The following TENM3 variants were observed in gnomAD, a reference collection of about 807,000 sequenced individuals.
TENM3 encodes teneurin transmembrane protein 3, also known as teneurin-3.
In TENM3, 63 loss-of-function variants were observed where a neutral mutation model predicts 255.1. That is an observed-to-expected ratio of 0.25 (90% CI 0.20 to 0.30). The LOEUF is 0.30. Ranked by LOEUF, TENM3 falls within the 10% of genes least tolerant of loss-of-function variation. The pLI, the probability that TENM3 is intolerant of heterozygous loss-of-function variation, is 1.00. For synonymous variants in TENM3, 1,306 were observed against 1,322.3 expected (o/e 0.99, Z 0.27); for missense variants, 2,929 against 3,461.1 (o/e 0.85, Z 3.86).
the TENM3 span, among the ~76,000 whole-genome samples, chr4:181,503,383 T>A: frequency 6.6e-6 from 1 of 152,118 alleles, no homozygotes; most frequent in Non-Finnish European, 1.5e-5. Flanking sequence ...TTAAATTAAA[T>A]TAAATATGAT....
chr4:181,895,401 G>A, the TENM3 span, among the ~76,000 whole-genome samples: 1 of 151,832 alleles, frequency 6.6e-6, no homozygotes, highest in African/African-American at 2.4e-5. Context: ...AGCTATTCCA[G>A]TAATAAACAT....
chr4:181,612,154 CTG>C, the TENM3 span, among the ~76,000 whole-genome samples: 2 of 152,200 alleles, frequency 1.3e-5, no homozygotes, highest in African/African-American at 2.4e-5. Flanking sequence ...CCAGTGGCCT[CTG>C]TGTCATAGTT....
chr4:182,073,792 C>A, the TENM3 span, among the ~76,000 whole-genome samples: 1 of 152,134 alleles, frequency 6.6e-6, no homozygotes, highest in African/African-American at 2.4e-5. Context: ...TTGGGCCTTT[C>A]AGCAACTTCT....
chr4:182,052,318 A>G, the TENM3 span, among the ~76,000 whole-genome samples: 1 of 152,054 alleles, frequency 6.6e-6, no homozygotes, highest in South Asian at 2.1e-4. Context: ...AAGCAAGAGC[A>G]TAGTGTCAAT....
At chr4:181,954,234 T>A in the TENM3 span, among the ~76,000 whole-genome samples, 1 of 152,242 alleles carries the variant, frequency 6.6e-6, no homozygotes, top group Non-Finnish European at 1.5e-5. Context: ...GCTATGTTCA[T>A]TTGTGTGCAA....
intron 12 of TENM3, among the ~76,000 whole-genome samples, chr4:182,702,082 AT>A (rs1757918212): frequency 6.6e-6 from 1 of 152,254 alleles, no homozygotes; most frequent in Non-Finnish European, 1.5e-5. Flanking sequence ...TTTAGAAAAG[AT>A]TAATTTATCT....
At chr4:181,732,450 C>CA in the TENM3 span, among the ~76,000 whole-genome samples, 1 of 151,704 alleles carries the variant, frequency 6.6e-6, no homozygotes, top group Non-Finnish European at 1.5e-5. Context: ...AAATTCCAAA[C>CA]AAAAAAGGTA....
chr4:181,659,545 C>T, the TENM3 span, among the ~76,000 whole-genome samples: 3 of 152,116 alleles, frequency 2.0e-5, no homozygotes, highest in African/African-American at 7.2e-5. Context: ...CAGTGCATTT[C>T]CATTAAAATT....
the TENM3 span, among the ~76,000 whole-genome samples, chr4:181,792,624 A>T: frequency 4.6e-5 from 7 of 152,226 alleles, no homozygotes; most frequent in African/African-American, 1.7e-4. Context: ...AGTAATCTGA[A>T]ATCTCAAATA....
At chr4:181,686,399 CT>C in the TENM3 span, among the ~76,000 whole-genome samples, 1 of 152,146 alleles carries the variant, frequency 6.6e-6, no homozygotes, top group Non-Finnish European at 1.5e-5. Context: ...GATTTTTCTT[CT>C]TTTCCCTCAG....
chr4:182,394,887 A>G (rs1035382373), intron 3 of TENM3, among the ~76,000 whole-genome samples: 5 of 152,232 alleles, frequency 3.3e-5, no homozygotes, highest in Admixed American at 3.3e-4. Flanking sequence ...AAAATGCCGT[A>G]CAGGCCAGAA....
rs557427307 is a variant in TENM3, at chr4:182,637,552, T to C, written c.988+8663T>C. ...CATCTCTAAAAAATAAAAAATAGAT[T>C]TAAAAAAATTCCAGTTTCTTCTTTA... On this transcript the variant is annotated intron_variant, in intron 5 of 27. Coordinates refer to ENST00000511685, the MANE Select transcript of TENM3 (RefSeq NM_001080477.4). Among the ~76,000 whole-genome samples the C allele has an allele frequency of 1.1e-4, 17 of 152,244 alleles. No homozygotes were observed. The South Asian group carries it at 3.3e-3, about 30-fold the overall frequency.
the TENM3 span, among the ~76,000 whole-genome samples, chr4:181,652,327 G>A: frequency 6.6e-6 from 1 of 152,030 alleles, no homozygotes; most frequent in African/African-American, 2.4e-5. Context: ...AGATATACAG[G>A]CTATTCCAAA....
the TENM3 span, among the ~76,000 whole-genome samples, chr4:181,523,172 G>C: frequency 6.6e-6 from 1 of 152,064 alleles, no homozygotes; most frequent in Non-Finnish European, 1.5e-5. Context: ...CTTGAAATTG[G>C]CTTTACCAAT....
At position 182,212,040 on chromosome 4, in the gene TENM3, A is replaced by T. The variant is rs375986275; in HGVS notation, c.-76+67286A>T. On this transcript the variant is annotated intron_variant, in intron 1 of 2. Transcript: ENST00000512480. ...TCTATTAAACCAAGTAAAATGTACA[A>T]TTAGCAAAAGCCTATCCATATTTTT... Among the ~76,000 whole-genome samples the T allele has an allele frequency of 3.9e-5, 6 of 152,342 alleles. No homozygotes were observed. The East Asian group carries it at 1.2e-3, about 29-fold the overall frequency.
the TENM3 span, among the ~76,000 whole-genome samples, chr4:181,938,673 T>C: frequency 7.2e-5 from 11 of 152,152 alleles, no homozygotes; most frequent in African/African-American, 2.7e-4. Flanking sequence ...AACAAACAAA[T>C]GCATCCCCCA....
the TENM3 span, among the ~76,000 whole-genome samples, chr4:181,825,905 G>T: frequency 1.3e-5 from 2 of 152,090 alleles, no homozygotes; most frequent in Non-Finnish European, 2.9e-5. Context: ...CCCGCTTTTT[G>T]ATATCTGCAT....
chr4:182,270,419 A>G (rs1561265922), intron 1 of TENM3, among the ~76,000 whole-genome samples: 2 of 151,764 alleles, frequency 1.3e-5, no homozygotes, highest in Admixed American at 1.3e-4. Context: ...TTGGTATCTT[A>G]TTGCTACACA....
intron 3 of TENM3, among the ~76,000 whole-genome samples, chr4:182,365,542 C>A (rs1766376166): frequency 1.3e-5 from 2 of 152,206 alleles, no homozygotes; most frequent in South Asian, 4.1e-4. Context: ...ACTACAGATT[C>A]TAGGTGCCAA....
Sources: allele counts gnomAD v4.1 joint callset (sites outside exome capture counted in the v4.1 genomes callset), GRCh38; gene constraint gnomAD v4.1.1; transcripts MANE v1.5; gene names NCBI Gene and HGNC (gene_info 2026-07-23, HGNC 2026-07-21).